The following MLXIP variants were observed in gnomAD, a reference collection of about 807,000 sequenced individuals.
MLXIP encodes MLX interacting protein.
In MLXIP, 30 loss-of-function variants were observed where a neutral mutation model predicts 87.2. The observed-to-expected ratio is 0.34, with a 90% CI of 0.26 to 0.47. The LOEUF (loss-of-function observed/expected upper bound fraction) is 0.47, where lower values mean the gene tolerates loss of function less well. MLXIP is among the 20% of genes least tolerant of loss of function. The pLI, the probability that MLXIP is intolerant of heterozygous loss-of-function variation, is 1.00. For synonymous variants in MLXIP, 530 were observed against 514.0 expected (o/e 1.03, Z -0.42); for missense variants, 1,002 against 1,240.1 (o/e 0.81, Z 2.88).
chr12:122,119,084 C>T (rs929309255), intron 1 of MLXIP, among the ~76,000 whole-genome samples: 4 of 151,748 alleles, frequency 2.6e-5, no homozygotes, highest in Non-Finnish European at 5.9e-5. Context: ...AGGACAGTGG[C>T]GTGAACCTGG....
chr12:122,119,802 A>G (rs928002699), intron 1 of MLXIP, among the ~76,000 whole-genome samples: 7 of 152,216 alleles, frequency 4.6e-5, no homozygotes, highest in African/African-American at 7.2e-5. Context: ...CTTTGTGCCC[A>G]TGTGAGGTGG....
At position 122,135,562 on chromosome 12, in the gene MLXIP, C is replaced by A. The variant is rs1457828175; in HGVS notation, c.1928C>A (p.Ala643Asp). The A allele has an allele frequency of 6.2e-7, 1 of 1,601,698 alleles. No homozygotes were observed. Among genetic ancestry groups the A allele is most frequent in the Admixed American group, 1.7e-5 (1 of 58,244 alleles). The change falls in exon 11 of 17, where the codon GCC becomes GAC. Residue 643 changes from alanine (A) to aspartate (D), a missense_variant. Coordinates refer to ENST00000319080, the MANE Select transcript of MLXIP (RefSeq NM_014938.6). The surrounding 1 kb of genome is among the most constrained non-coding windows in gnomAD (Gnocchi z 5.3). ...DLGHGTSSPP[A>D]PVSRLFPSTA... The stretch of plus-strand genomic sequence containing the variant: ...GGCCATGGCACGAGCAGCCCGCCTG[C>A]CCCCGTCTCCCGGCTCTTCCCAAGC...
rs28478029 is a variant in MLXIP at position 122,120,972 on chromosome 12, G to C, written c.414-6284G>C. On this transcript the variant is annotated intron_variant, in intron 1 of 16. Transcript: ENST00000319080. ...TGAATGGGCTCCACCACTGTTCTGAGACCTATAACGATAGCCCCAGAGCCC... is the reference window on the plus strand; with the variant it reads ...TGAATGGGCTCCACCACTGTTCTGACACCTATAACGATAGCCCCAGAGCCC... 3.4e-5 allele frequency among the ~76,000 whole-genome samples: 5 copies of C among 146,734 alleles called. No homozygotes were observed. The Admixed American group carries it at 3.4e-4, about 10-fold the overall frequency.
rs545245323 is a variant in MLXIP, at chr12:122,114,773, T to A, written c.414-12483T>A. Among the ~76,000 whole-genome samples the A allele has an allele frequency of 6.6e-4, 78 of 117,928 alleles. No individual in the cohort carries two copies. The Admixed American group carries it at 7.4e-3, about 11-fold the overall frequency. The allele number at this position is 117,928 out of a possible 152,430, so 77.4% of individuals were successfully genotyped here. On this transcript the variant is annotated intron_variant, in intron 1 of 16. Transcript: ENST00000319080. ...TTTTTTTTGGTGGGGGGGGACAGGG[T>A]CTCACTCTGTTGCCCAGACTGGAGT...
rs1439443540 is a variant in MLXIP at position 122,103,195 on chromosome 12, GTATGTATTTATTTATTTATT to G, written c.413+23933_413+23952del. Among the ~76,000 whole-genome samples the G allele has an allele frequency of 4.0e-4, 31 of 77,906 alleles. 1 individual carries two copies. The South Asian group carries it at 0.01, about 25-fold the overall frequency. 51.1% of individuals were successfully genotyped at this position (77,906 alleles called of 152,430 possible). On this transcript the variant is annotated intron_variant, in intron 1 of 16. Transcript: ENST00000319080. ...ATTTTATATGTATGTATGTATGTAT[GTATGTATTTATTTATTTATT>G]TATTTATTTATTTATTTATTTATTT...
At chr12:122,139,023 A>G in intron 15 of MLXIP, 85 bp downstream of exon 15, 1 of 1,559,832 alleles carries the variant, frequency 6.4e-7, no homozygotes, top group Non-Finnish European at 8.7e-7. Flanking sequence ...TTACTTTAGA[A>G]AGACTCTTTA....
rs1953009427 is a variant in MLXIP at position 122,133,102 on chromosome 12, C to T, written c.1093-246C>T. 2.3e-6 allele frequency: 1 copy of T among 434,382 alleles called. No homozygotes were observed. The highest frequency in any genetic ancestry group is 2.0e-5 in the African/African-American group (1 of 49,672). The allele number at this position is 434,382 out of a possible 1,614,324, so 26.9% of individuals were successfully genotyped here. A position where few individuals can be genotyped will look rare whatever the true frequency, so the allele number is the denominator to read the frequency against. ...AACAAGATATTCCCAGGCTGCTAGC[C>T]AGCTGTGTGAGGGCCGTTGCCTTAT... On this transcript the variant is annotated intron_variant, in intron 8 of 16. Transcript: ENST00000319080. This position sits in a 1 kb window ranked among gnomAD's most constrained non-coding sequence, Gnocchi z 4.9.
intron 1 of MLXIP, among the ~76,000 whole-genome samples, chr12:122,118,826 CAG>C (rs1181997708): frequency 2.1e-5 from 3 of 144,224 alleles, no homozygotes; most frequent in African/African-American, 5.3e-5. Flanking sequence ...AACCTGGTGA[CAG>C]AGTGAGACTC....
At chr12:122,081,750 G>A (rs1041068994) in intron 1 of MLXIP, among the ~76,000 whole-genome samples, 2 of 152,160 alleles carry the variant, frequency 1.3e-5, no homozygotes, top group East Asian at 3.9e-4. Flanking sequence ...ATCCTGGTGG[G>A]GTTCATGCCT....
Position 122,133,720 on chromosome 12 carries a change from T to C in MLXIP, c.1465T>C (p.Ser489Pro), listed in dbSNP as rs757922592. Residue 489 changes from serine to proline, a missense_variant, in exon 9 of 17, where the codon TCT (serine) becomes CCT (proline). Ser to Pro is a moderately conservative substitution (Grantham distance 74). This residue lies in a region of MLXIP where 746 missense variants were observed against 897.0 expected (regional missense o/e 0.83). Coordinates refer to ENST00000319080, the MANE Select transcript of MLXIP (RefSeq NM_014938.6). This position sits in a 1 kb window ranked among gnomAD's most constrained non-coding sequence, Gnocchi z 4.9. ...KAPSVITHTA[S>P]ATLTHDAPAT... ...GCCGTCTGTCATCACCCACACGGCC[T>C]CTGCCACCCTCACCCACGATGCCCC... The C allele has an allele frequency of 3.7e-6, 6 of 1,613,688 alleles. No homozygotes were observed. Among genetic ancestry groups the C allele is most frequent in the Non-Finnish European group, 4.2e-6 (5 of 1,179,816 alleles).
rs1234114519 is a variant in MLXIP at position 122,147,324 on chromosome 12, A to G, written c.*5512A>G. 1 of 152,178 alleles carries G rather than the reference A, an allele frequency of 6.6e-6. No homozygotes were observed. Among genetic ancestry groups the G allele is most frequent in the African/African-American group, 2.4e-5 (1 of 41,420 alleles). The allele number at this position is 152,178 out of a possible 1,614,324, so 9.4% of individuals were successfully genotyped here. Reference sequence around the variant, plus strand: ...TATATTTGCATCCAAGACAATAAAGACACCTTATTTTTTTTGAAAAGCCTG... The same window carrying G: ...TATATTTGCATCCAAGACAATAAAGGCACCTTATTTTTTTTGAAAAGCCTG... On this transcript the variant is annotated 3_prime_UTR_variant, in exon 17 of 17. Coordinates refer to ENST00000319080, the MANE Select transcript of MLXIP (RefSeq NM_014938.6).
intron 1 of MLXIP, among the ~76,000 whole-genome samples, chr12:122,123,734 C>T (rs947761669): frequency 2.0e-5 from 3 of 152,164 alleles, no homozygotes; most frequent in Non-Finnish European, 2.9e-5. Context: ...CGGTCTTGCT[C>T]TTTCACTTAG....
At chr12:122,104,575 CTTTTTTTT>C (rs751931978) in intron 1 of MLXIP, among the ~76,000 whole-genome samples, 4 of 91,314 alleles carry the variant, frequency 4.4e-5, no homozygotes, top group Admixed American at 3.9e-4. Flanking sequence ...ATTACCTTTT[CTTTTTTTT>C]TTTTTTTTTT....
At position 122,135,237 on chromosome 12, in the gene MLXIP, C is replaced by T. The variant is rs761791341; in HGVS notation, c.1746C>T (p.Gly582=). 2.5e-6 allele frequency: 4 copies of T among 1,613,308 alleles called. No homozygotes were observed. In the South Asian group the frequency reaches 4.4e-5, roughly 18 times the overall value. ...TTATCCTGGCAGCTGCCTTTTCAGG[C>T]CAACCACAAGCGGTGATCATGACGT... ...NARIAPAAFS[G]QPQAVIMTSG... Residue 582 remains glycine, a synonymous_variant, in exon 10 of 17, where the codon GGC becomes GGT. Transcript: ENST00000319080. The surrounding 1 kb of genome is among the most constrained non-coding windows in gnomAD (Gnocchi z 5.3).
intron 5 of MLXIP, 60 bp from the exon 6 acceptor site, chr12:122,129,881 G>A: frequency 1.3e-6 from 2 of 1,561,374 alleles, no homozygotes; most frequent in African/African-American, 1.4e-5. Context: ...ACAGGCGTGG[G>A]AATTCTTCGT....
intron 5 of MLXIP, 137 bp downstream of exon 5, chr12:122,129,766 G>T: frequency 7.5e-7 from 1 of 1,327,504 alleles, no homozygotes; most frequent in African/African-American, 1.5e-5. Flanking sequence ...TCAAGAAGCA[G>T]TCCAGCTCTC....
Position 122,133,432 on chromosome 12 carries a change from C to G in MLXIP, c.1177C>G (p.His393Asp), listed in dbSNP as rs186648555. 6.2e-5 allele frequency: 100 copies of G among 1,612,834 alleles called. No individual in the cohort carries two copies. The African/African-American group carries it at 1.1e-3, about 18-fold the overall frequency. The change falls in exon 9 of 17, where the codon CAC becomes GAC. Residue 393 changes from histidine to aspartate, a missense_variant. Around this residue, in one of 3 missense-constraint regions of MLXIP, gnomAD observed 746 missense variants for 897.0 expected, o/e 0.83. Transcript: ENST00000319080. This position sits in a 1 kb window ranked among gnomAD's most constrained non-coding sequence, Gnocchi z 4.9. ...IAPPTAPSLA[H>D]MDEQGCEHTS... ...GCCCCCTACCGCCCCATCCCTGGCT[C>G]ACATGGATGAGCAGGGCTGTGAACA...
At chr12:122,124,843 G>A (rs910344254) in intron 1 of MLXIP, among the ~76,000 whole-genome samples, 14 of 151,844 alleles carry the variant, frequency 9.2e-5, no homozygotes, top group African/African-American at 4.8e-5. Flanking sequence ...CCAGCCTGAC[G>A]AACGTGGTAA....
chr12:122,144,029 G>A lies in MLXIP; in HGVS notation c.*2217G>A, dbSNP rs537029807. 1.2e-3 allele frequency: 187 copies of A among 152,864 alleles called. 1 individual carries two copies. Among genetic ancestry groups the A allele is most frequent in the Non-Finnish European group, 1.6e-3 (108 of 68,070 alleles). The allele number at this position is 152,864 out of a possible 1,614,324, so 9.5% of individuals were successfully genotyped here. A position where few individuals can be genotyped will look rare whatever the true frequency, so the allele number is the denominator to read the frequency against. On this transcript the variant is annotated 3_prime_UTR_variant, in exon 17 of 17. Transcript: ENST00000319080. ...ATAGGGCCACAGTGCCGTATCTGCT[G>A]CAGACATGATTGTTTCTTGTTCTAG... is the stretch of plus-strand genomic sequence containing the variant.
Sources: gnomAD v4.1 joint callset for allele counts (sites outside exome capture counted in the v4.1 genomes callset) on GRCh38, gnomAD v4.1.1 for gene constraint, gnomAD v4.1.1 regional missense constraint, Gnocchi (gnomAD v3.1) non-coding constraint, MANE v1.5 for transcripts, NCBI Gene and HGNC (gene_info 2026-07-23, HGNC 2026-07-21) for gene names.